The following ATP1A4 variants were observed in gnomAD, a reference collection of about 807,000 sequenced individuals.
The protein encoded by ATP1A4 is sodium/potassium-transporting ATPase subunit alpha-4.
ATP1A4 carries 90 observed loss-of-function variants against 114.3 expected under a neutral mutation model. That is an observed-to-expected ratio of 0.79 (90% CI 0.66 to 0.94). The LOEUF (loss-of-function observed/expected upper bound fraction) is 0.94. ATP1A4 is among the 40% of genes least tolerant of loss of function. The pLI is 0.00. For synonymous variants in ATP1A4, 511 were observed against 494.1 expected (o/e 1.03, Z -0.45); for missense variants, 1,222 against 1,313.6 (o/e 0.93, Z 1.08).
chr1:160,186,503 C>G, intron 21 of ATP1A4, 136 bp downstream of exon 21: 1 of 1,048,046 alleles, frequency 9.5e-7, no homozygotes, highest in Non-Finnish European at 1.4e-6. Flanking sequence ...CGCCTGGAGC[C>G]GAGACCTCTC....
chr1:160,176,153 C>T lies in ATP1A4; in HGVS notation c.2373C>T (p.Pro791=), dbSNP rs200874682. 1.1e-5 allele frequency: 17 copies of T among 1,614,036 alleles called. No individual in the cohort carries two copies. The highest frequency in any genetic ancestry group is 5.5e-5 in the South Asian group (5 of 91,080). The part of the protein sequence containing the change: ...SIMYTLTSNI[P]EITPFLMFII... ...TGTACACCCTGACCAGCAACATCCC[C>T]GAGATCACGCCCTTCCTGATGTTCA... Residue 791 remains proline, a synonymous_variant, in exon 16 of 22, where the codon CCC becomes CCT. Transcript: ENST00000368081.
intron 18 of ATP1A4, among the ~76,000 whole-genome samples, chr1:160,180,766 G>C (rs1653661661): frequency 8.1e-6 from 1 of 123,910 alleles, no homozygotes; most frequent in Non-Finnish European, 1.6e-5. Flanking sequence ...CCAGGCTGGA[G>C]TGCAGTGGCA....
chr1:160,174,341 T>C (rs1366634269), intron 14 of ATP1A4, 80 bp downstream of exon 14: 5 of 1,586,442 alleles, frequency 3.2e-6, no homozygotes, highest in South Asian at 1.1e-5. Context: ...CAGAGGAACA[T>C]GTGGGCTGGG....
At chr1:160,172,649 C>T (rs977795731) in intron 12 of ATP1A4, among the ~76,000 whole-genome samples, 2 of 152,180 alleles carry the variant, frequency 1.3e-5, no homozygotes, top group Non-Finnish European at 2.9e-5. Context: ...ACCTTCCGTG[C>T]TCATACCTTA....
intron 15 of ATP1A4, among the ~76,000 whole-genome samples, chr1:160,175,104 G>A (rs1235747328): frequency 1.3e-5 from 2 of 152,120 alleles, no homozygotes; most frequent in Non-Finnish European, 2.9e-5. Flanking sequence ...TCCATGCGCT[G>A]CAATCTTTAG....
At chr1:160,171,159 C>T in intron 10 of ATP1A4, 92 bp from the exon 11 acceptor site, 6 of 1,226,466 alleles carry the variant, frequency 4.9e-6, no homozygotes, top group Non-Finnish European at 6.8e-6. Flanking sequence ...GTATGAAACA[C>T]ATTTTTTTAC....
At chr1:160,163,134 C>G (rs1371166245) in intron 6 of ATP1A4, among the ~76,000 whole-genome samples, 1 of 152,056 alleles carries the variant, frequency 6.6e-6, no homozygotes, top group Non-Finnish European at 1.5e-5. Context: ...CTCGGCATGT[C>G]TTGGGTGACC....
rs201338340 is a variant in ATP1A4 at position 160,181,639 on chromosome 1, A to C, written c.2737-45A>C. The C allele has an allele frequency of 6.4e-4, 1,033 of 1,610,306 alleles. 1 individual carries two copies. The highest frequency in any genetic ancestry group is 8.0e-4 in the Non-Finnish European group (939 of 1,177,720). On this transcript the variant is annotated intron_variant, in intron 18 of 21. Coordinates refer to ENST00000368081, the MANE Select transcript of ATP1A4 (RefSeq NM_144699.4). Reference sequence around the variant, plus strand: ...AGAGGAAAGAAGCCTTAGGGTGTACAGAATCCCCTTCTGACACTGTTTCCT... The same window carrying C: ...AGAGGAAAGAAGCCTTAGGGTGTACCGAATCCCCTTCTGACACTGTTTCCT...
In ATP1A4 at chr1:160,159,102, C is replaced by T; in HGVS notation, c.626C>T (p.Ala209Val). The stretch of plus-strand genomic sequence containing the variant: ...ATCAAGGGTGGAGACCGAGTCCCTG[C>T]TGACCTCCGGCTTATCTCTGCACAA... ...VEIKGGDRVP[A>V]DLRLISAQGC... The change falls in exon 5 of 22, where the codon GCT becomes GTT. Residue 209 changes from alanine to valine, a missense_variant. Physicochemically the swap from Ala to Val is moderately conservative, Grantham distance 64. Transcript: ENST00000368081. 1 of 1,614,116 alleles carries T rather than the reference C, an allele frequency of 6.2e-7. No homozygotes were observed. Among genetic ancestry groups the T allele is most frequent in the Non-Finnish European group, 8.5e-7 (1 of 1,179,996 alleles).
chr1:160,168,071 C>A (rs1295761344), intron 10 of ATP1A4, among the ~76,000 whole-genome samples: 1 of 152,186 alleles, frequency 6.6e-6, no homozygotes, highest in Non-Finnish European at 1.5e-5. Context: ...TTGGTCCACT[C>A]TCCGGGGAGG....
rs1364011058 is a variant in ATP1A4 at position 160,166,951 on chromosome 1, CT to C, written c.1247-13del. 2 of 1,612,012 alleles carry C rather than the reference CT, an allele frequency of 1.2e-6. No individual in the cohort carries two copies. The highest frequency in any genetic ancestry group is 2.2e-5 in the South Asian group (2 of 91,040). ...TTCTCATTCCCTGCTCACAATTCTT[CT>C]TTTCTTTCTCCCTAGGAAAAACATT... On this transcript the variant is annotated splice_polypyrimidine_tract_variant and intron_variant, in intron 8 of 21. Coordinates refer to ENST00000368081, the MANE Select transcript of ATP1A4 (RefSeq NM_144699.4).
chr1:160,174,844 C>T (rs1343150249), intron 15 of ATP1A4, 97 bp downstream of exon 15: 3 of 1,553,012 alleles, frequency 1.9e-6, no homozygotes, highest in Admixed American at 3.7e-5. Flanking sequence ...CATCCAACCT[C>T]CATGAGCCTG....
Position 160,166,660 on chromosome 1 carries a change from A to C in ATP1A4, c.1180A>C (p.Met394Leu). 1.9e-6 allele frequency: 3 copies of C among 1,614,226 alleles called. No individual in the cohort carries two copies. Among genetic ancestry groups the C allele is most frequent in the Non-Finnish European group, 2.5e-6 (3 of 1,180,038 alleles). Residue 394 changes from methionine to leucine, a missense_variant, in exon 8 of 22, where the codon ATG (methionine) becomes CTG (leucine). Transcript: ENST00000368081. ...GACGGGCACCCTCACCCAGAACCGC[A>C]TGACCGTCGCCCACATGTGGTTTGA... The part of the protein sequence containing the change: ...DKTGTLTQNR[M>L]TVAHMWFDMT...
intron 20 of ATP1A4, 37 bp downstream of exon 20, chr1:160,182,068 G>A (rs760052935): frequency 5.9e-6 from 9 of 1,529,380 alleles, no homozygotes; most frequent in South Asian, 2.2e-5. Flanking sequence ...GGGATGTGCA[G>A]GCACGGGGGA....
At chr1:160,157,430 A>T (rs1652710530) in intron 4 of ATP1A4, among the ~76,000 whole-genome samples, 1 of 152,218 alleles carries the variant, frequency 6.6e-6, no homozygotes, top group Non-Finnish European at 1.5e-5. Context: ...ATAAGTGAGA[A>T]CATAAGGTAT....
chr1:160,153,054 A>G (rs1247730905), intron 1 of ATP1A4, 111 bp from the exon 2 acceptor site: 2 of 865,176 alleles, frequency 2.3e-6, no homozygotes, highest in African/African-American at 3.3e-5. Flanking sequence ...GGGAGCTTAC[A>G]AAATGGAGCA....
chr1:160,172,686 C>G (rs528568446), intron 12 of ATP1A4, among the ~76,000 whole-genome samples: 106 of 152,296 alleles, frequency 7.0e-4, no homozygotes, highest in Non-Finnish European at 1.4e-3. Context: ...TGTATTCTGG[C>G]TCCTAGACTT....
rs1325672400 is a variant in ATP1A4 at position 160,152,119 on chromosome 1, A to G, written c.79A>G (p.Lys27Glu). The G allele has an allele frequency of 6.2e-7, 1 of 1,614,124 alleles. No individual in the cohort carries two copies. Among genetic ancestry groups the G allele is most frequent in the South Asian group, 1.1e-5 (1 of 91,076 alleles). The change falls in exon 1 of 22, where the codon AAG (lysine) becomes GAG (glutamate). Residue 27 changes from lysine to glutamate, a missense_variant. By Grantham distance (56) the Lys-to-Glu change is moderately conservative (BLOSUM62 1). Transcript: ENST00000368081. ...PRRRPKKGLI[K>E]KKMVKREKQK... Reference sequence around the variant, plus strand: ...ACGAAGACCTAAAAAAGGGCTTATCAAGAAAAAAATGGTGAAGAGGGAAAA... The same window carrying G: ...ACGAAGACCTAAAAAAGGGCTTATCGAGAAAAAAATGGTGAAGAGGGAAAA...
chr1:160,152,071 G>A lies in ATP1A4; in HGVS notation c.31G>A (p.Ala11Thr). The change falls in exon 1 of 22, where the codon GCT (alanine) becomes ACT (threonine). Residue 11 changes from alanine (A) to threonine (T), a missense_variant. Coordinates refer to ENST00000368081, the MANE Select transcript of ATP1A4 (RefSeq NM_144699.4). ...GCTTTGGGGGAAGAAAGGGACAGTG[G>A]CTCCCCATGACCAGAGTCCAAGACG... MGLWGKKGTV[A>T]PHDQSPRRRP... 6.2e-7 allele frequency: 1 copy of A among 1,613,830 alleles called. No homozygotes were observed. Among genetic ancestry groups the A allele is most frequent in the Non-Finnish European group, 8.5e-7 (1 of 1,179,906 alleles).
Sources: gnomAD v4.1 joint callset for allele counts (sites outside exome capture counted in the v4.1 genomes callset) on GRCh38, gnomAD v4.1.1 for gene constraint, MANE v1.5 for transcripts, NCBI Gene and HGNC (gene_info 2026-07-23, HGNC 2026-07-21) for gene names.